Variants in DNMT3A observed in about 807,000 individuals in gnomAD.
The protein encoded by DNMT3A is DNA (cytosine-5)-methyltransferase 3A.
Under a neutral mutation model 117.6 loss-of-function variants are expected in DNMT3A, and 267 were observed. The ratio of observed to expected loss-of-function variants is 2.27; its 90% CI spans 2.05 to 2.51. The LOEUF (loss-of-function observed/expected upper bound fraction) is 2.51, where lower values mean the gene tolerates loss of function less well. Among genes scored for constraint, DNMT3A ranks in the 30% most tolerant of loss-of-function variants. DNMT3A has a pLI of 0.00. For missense variants in DNMT3A, 1,029 were observed against 1,260.2 expected (o/e 0.82, Z 2.78); for synonymous variants, 432 against 474.8 (o/e 0.91, Z 1.17).
rs988621637 is a variant in DNMT3A at position 25,305,513 on chromosome 2, C to A, written c.73-5270G>T. ...TATGTTATTTCATTGTATTCTTACA[C>A]TTTACAGAAAGCAGAGCTGGTATTA... is the stretch of plus-strand genomic sequence containing the variant. On this transcript the variant is annotated intron_variant, in intron 2 of 22. Coordinates refer to ENST00000321117, the MANE Select transcript of DNMT3A (RefSeq NM_022552.5). The surrounding 1 kb of genome is among the most constrained non-coding windows in gnomAD (Gnocchi z 4.1). Among the ~76,000 whole-genome samples, 5 of 152,228 alleles carry A rather than the reference C, an allele frequency of 3.3e-5. No individual in the cohort carries two copies. The highest frequency in any genetic ancestry group is 1.2e-4 in the African/African-American group (5 of 41,446).
intron 6 of DNMT3A, among the ~76,000 whole-genome samples, chr2:25,266,320 A>T (rs971405773): frequency 1.3e-5 from 2 of 152,214 alleles, no homozygotes; most frequent in African/African-American, 2.4e-5. Flanking sequence ...GGTAGGGCAA[A>T]TAAGTGAGGA....
intron 6 of DNMT3A, chr2:25,249,791 A>G: frequency 1.9e-6 from 3 of 1,567,844 alleles, no homozygotes; most frequent in Non-Finnish European, 2.6e-6. Flanking sequence ...TGAATCTAGG[A>G]AACACGGCCC....
At chr2:25,240,514 G>C in intron 18 of DNMT3A, 64 bp from the exon 19 acceptor site, 3 of 1,578,664 alleles carry the variant, frequency 1.9e-6, no homozygotes, top group Non-Finnish European at 2.6e-6. Context: ...GTGTGGCTCG[G>C]GCACGGGGAG....
intron 16 of DNMT3A, among the ~76,000 whole-genome samples, chr2:25,243,526 G>C (rs1264269301): frequency 6.6e-6 from 1 of 152,110 alleles, no homozygotes; most frequent in Non-Finnish European, 1.5e-5. Flanking sequence ...GTCTTCTTTA[G>C]ACTATCTTGT....
intron 1 of DNMT3A, chr2:25,328,649 G>C (rs1171493034): frequency 1.5e-5 from 8 of 521,690 alleles, no homozygotes; most frequent in Non-Finnish European, 3.1e-5. Flanking sequence ...AGAGGACTGT[G>C]TGAAGTCACT....
intron 2 of DNMT3A, among the ~76,000 whole-genome samples, chr2:25,310,379 T>G (rs952767493): frequency 6.6e-6 from 1 of 151,584 alleles, no homozygotes; most frequent in Non-Finnish European, 1.5e-5. Context: ...CGGCAACATT[T>G]ACCAGCTGAC....
In DNMT3A at chr2:25,240,749, C is replaced by A. The variant is rs770979875; in HGVS notation, c.2083-19G>T. On this transcript the variant is annotated intron_variant, in intron 17 of 22. Transcript: ENST00000321117. ...CCTGGATCTGGGAGGATAAAGGCAA[C>A]GTGATGGGCCTGCTGTCCAGGGACA... is the stretch of plus-strand genomic sequence containing the variant. 6.2e-7 allele frequency: 1 copy of A among 1,610,656 alleles called. No individual in the cohort carries two copies. The highest frequency in any genetic ancestry group is 1.1e-5 in the South Asian group (1 of 91,018).
At chr2:25,285,214 C>G (rs1311283869) in intron 3 of DNMT3A, among the ~76,000 whole-genome samples, 1 of 152,246 alleles carries the variant, frequency 6.6e-6, no homozygotes, top group Non-Finnish European at 1.5e-5. Flanking sequence ...TGAGACAGCA[C>G]TGGGTCCCCA....
chr2:25,272,337 T>C (rs967376530), intron 6 of DNMT3A, among the ~76,000 whole-genome samples: 2 of 152,232 alleles, frequency 1.3e-5, no homozygotes, highest in Admixed American at 6.5e-5. Flanking sequence ...AGAAAATGTA[T>C]CTATGATCTA....
At chr2:25,330,747 G>A (rs1355300472) in intron 1 of DNMT3A, among the ~76,000 whole-genome samples, 1 of 152,104 alleles carries the variant, frequency 6.6e-6, no homozygotes, top group Non-Finnish European at 1.5e-5. Context: ...CATCCCCCCT[G>A]TCCCCCATGC....
rs1340581987 is a variant in DNMT3A, at chr2:25,237,099, C to T, written c.2409-94G>A. On this transcript the variant is annotated intron_variant, in intron 20 of 22. Coordinates refer to ENST00000321117, the MANE Select transcript of DNMT3A (RefSeq NM_022552.5). This position sits in a 1 kb window ranked among gnomAD's most constrained non-coding sequence, Gnocchi z 5.4. ...ACTCCCCTCCCTCCCCCAGCAGCCA[C>T]TAGTTCACAGGGTAAGAGCCCCTTC... 7.7e-7 allele frequency: 1 copy of T among 1,298,304 alleles called. No individual in the cohort carries two copies. Among genetic ancestry groups the T allele is most frequent in the Non-Finnish European group, 1.1e-6 (1 of 920,490 alleles). The allele number at this position is 1,298,304 out of a possible 1,614,324, so 80.4% of individuals were successfully genotyped here.
intron 20 of DNMT3A, among the ~76,000 whole-genome samples, chr2:25,238,258 T>C (rs956224927): frequency 4.0e-5 from 6 of 151,818 alleles, no homozygotes; most frequent in African/African-American, 9.7e-5. Context: ...CCCATCTCCT[T>C]CCCCTCAACA....
intron 12 of DNMT3A, among the ~76,000 whole-genome samples, chr2:25,245,618 C>T (rs959812642): frequency 6.6e-6 from 1 of 152,228 alleles, no homozygotes; most frequent in African/African-American, 2.4e-5. Flanking sequence ...GAGGGATTCC[C>T]GGGGTAATCC....
At chr2:25,317,358 G>A (rs1398460841) in intron 1 of DNMT3A, among the ~76,000 whole-genome samples, 1 of 151,762 alleles carries the variant, frequency 6.6e-6, no homozygotes, top group Non-Finnish European at 1.5e-5. Flanking sequence ...CACCACACCT[G>A]GCCAAAAGAT....
intron 6 of DNMT3A, among the ~76,000 whole-genome samples, chr2:25,266,787 G>A (rs1370933298): frequency 2.6e-5 from 4 of 152,190 alleles, no homozygotes; most frequent in African/African-American, 9.7e-5. Context: ...GCAAAATATT[G>A]ATGTTGGCAA....
rs542806749 is a variant in DNMT3A, at chr2:25,239,227, G to C, written c.2323-12C>G. The C allele has an allele frequency of 1.2e-5, 19 of 1,612,930 alleles. No individual in the cohort carries two copies. Among genetic ancestry groups the C allele is most frequent in the Non-Finnish European group, 1.4e-5 (17 of 1,179,392 alleles). On this transcript the variant is annotated splice_polypyrimidine_tract_variant and intron_variant, in intron 19 of 22. Transcript: ENST00000321117. ...ATCACAGGGTTGGACTACAAAACAGGAGACGGTTTGAAGATGAGCCAAGGA... is the reference window on the plus strand; with the variant it reads ...ATCACAGGGTTGGACTACAAAACAGCAGACGGTTTGAAGATGAGCCAAGGA...
At chr2:25,241,963 A>C (rs1450564398) in intron 16 of DNMT3A, 1 of 504,984 alleles carries the variant, frequency 2.0e-6, no homozygotes, top group East Asian at 3.7e-5. Flanking sequence ...CGGAGAGTAC[A>C]TGGTTCCAGG....
At position 25,231,191 on chromosome 2, in the gene DNMT3A, T is replaced by G. The variant is rs370662141; in HGVS notation, c.*3088A>C. 2.6e-4 allele frequency: 40 copies of G among 152,356 alleles called. 2 individuals are homozygous for G. Among genetic ancestry groups the G allele is most frequent in the African/African-American group, 9.4e-4 (39 of 41,546 alleles). The allele number at this position is 152,356 out of a possible 1,614,324, so 9.4% of individuals were successfully genotyped here. A position where few individuals can be genotyped will look rare whatever the true frequency, so the allele number is the denominator to read the frequency against. ...ACCTTGGACTGCCTGAGGCAGCCCC[T>G]CCTCCCCCAGCCCTCCTGGAGTGGC... On this transcript the variant is annotated 3_prime_UTR_variant, in exon 23 of 23. Coordinates refer to ENST00000321117, the MANE Select transcript of DNMT3A (RefSeq NM_022552.5).
intron 16 of DNMT3A, among the ~76,000 whole-genome samples, chr2:25,243,623 C>T (rs574909247): frequency 6.6e-6 from 1 of 152,242 alleles, no homozygotes; most frequent in South Asian, 2.1e-4. Context: ...GTGAATCTGA[C>T]TAATGATCAC....
Sources: allele counts gnomAD v4.1 joint callset (sites outside exome capture counted in the v4.1 genomes callset), GRCh38; gene constraint gnomAD v4.1.1; non-coding constraint Gnocchi (gnomAD v3.1); transcripts MANE v1.5; gene names NCBI Gene and HGNC (gene_info 2026-07-23, HGNC 2026-07-21).